The following TSPAN5 variants were observed in gnomAD, a reference collection of about 807,000 sequenced individuals.
TSPAN5 encodes the protein tetraspanin-5.
TSPAN5 carries 10 observed loss-of-function variants against 37.1 expected under a neutral mutation model. The observed-to-expected ratio is 0.27, with a 90% CI of 0.17 to 0.46. The LOEUF is 0.46. TSPAN5 is among the 20% of genes least tolerant of loss of function. The pLI, the probability that TSPAN5 is intolerant of heterozygous loss-of-function variation, is 1.00. For missense variants in TSPAN5, 195 were observed against 326.6 expected (o/e 0.60, Z 3.11); for synonymous variants, 110 against 118.9 (o/e 0.93, Z 0.48).
At chr4:98,478,849 G>C in intron 4 of TSPAN5, 39 bp from the exon 5 acceptor site, 1 of 1,606,190 alleles carries the variant, frequency 6.2e-7, no homozygotes, top group Non-Finnish European at 8.5e-7. Context: ...TCCCAACTTG[G>C]AGGCAAGCAG....
chr4:98,510,105 G>A (rs959704026), intron 1 of TSPAN5, among the ~76,000 whole-genome samples: 2 of 152,104 alleles, frequency 1.3e-5, no homozygotes, highest in Non-Finnish European at 2.9e-5. Context: ...AGTGCTTTGT[G>A]TGCAATGTCT....
rs111521906 is a variant in TSPAN5 at position 98,553,966 on chromosome 4, C to A, written c.82-46238G>T. 9.7e-3 allele frequency among the ~76,000 whole-genome samples: 1,469 copies of A among 152,130 alleles called. 28 individuals are homozygous for A. Among genetic ancestry groups the A allele is most frequent in the African/African-American group, 0.033 (1,364 of 41,484 alleles). On this transcript the variant is annotated intron_variant, in intron 1 of 7. Transcript: ENST00000305798. ...CCTGTAATCCCAGCTACTCAGGAGGCTGAGGCAGGAGAATCGCTTGAACTG... is the reference window on the plus strand; with the variant it reads ...CCTGTAATCCCAGCTACTCAGGAGGATGAGGCAGGAGAATCGCTTGAACTG...
At chr4:98,520,662 T>A (rs1327304789) in intron 1 of TSPAN5, among the ~76,000 whole-genome samples, 3 of 152,204 alleles carry the variant, frequency 2.0e-5, no homozygotes, top group Non-Finnish European at 4.4e-5. Flanking sequence ...TAATAACACC[T>A]GCTGCAATGT....
intron 1 of TSPAN5, among the ~76,000 whole-genome samples, chr4:98,531,228 C>T (rs1443917433): frequency 1.3e-5 from 2 of 152,120 alleles, no homozygotes; most frequent in African/African-American, 4.8e-5. Context: ...CTACCCCCTA[C>T]CCCACGACAG....
chr4:98,491,575 C>G (rs1232861303), intron 2 of TSPAN5, among the ~76,000 whole-genome samples: 2 of 151,900 alleles, frequency 1.3e-5, no homozygotes, highest in Non-Finnish European at 2.9e-5. Context: ...GTAATCCCAG[C>G]TACTCGAGAG....
chr4:98,530,241 G>A (rs1380269471), intron 1 of TSPAN5, among the ~76,000 whole-genome samples: 1 of 152,200 alleles, frequency 6.6e-6, no homozygotes, highest in Admixed American at 6.5e-5. Context: ...TCCTGAAATG[G>A]CCAGAGATGC....
At chr4:98,639,193 A>G (rs1241344672) in intron 1 of TSPAN5, among the ~76,000 whole-genome samples, 1 of 152,156 alleles carries the variant, frequency 6.6e-6, no homozygotes, top group Non-Finnish European at 1.5e-5. Context: ...TGGTCTCAGC[A>G]ACTCCTCCAC....
intron 1 of TSPAN5, among the ~76,000 whole-genome samples, chr4:98,564,976 C>A (rs924378489): frequency 3.9e-5 from 6 of 152,158 alleles, no homozygotes; most frequent in African/African-American, 1.4e-4. Context: ...TGTCCTCACC[C>A]TGAGTGTTAA....
At chr4:98,544,768 C>T (rs1429795038) in intron 1 of TSPAN5, among the ~76,000 whole-genome samples, 1 of 152,162 alleles carries the variant, frequency 6.6e-6, no homozygotes, top group Non-Finnish European at 1.5e-5. Context: ...AGGGATGACA[C>T]ATCTTTGAAC....
At chr4:98,487,487 C>T (rs2110265400) in intron 2 of TSPAN5, among the ~76,000 whole-genome samples, 1 of 152,264 alleles carries the variant, frequency 6.6e-6, no homozygotes, top group Middle Eastern at 3.4e-3. Flanking sequence ...AAGCCCTTGG[C>T]ATTTCTCAGG....
chr4:98,625,145 G>A (rs745665768), intron 1 of TSPAN5, among the ~76,000 whole-genome samples: 19 of 152,312 alleles, frequency 1.2e-4, no homozygotes, highest in Non-Finnish European at 1.9e-4. Context: ...ATGGGCAGTA[G>A]TTATTTATGC....
intron 1 of TSPAN5, among the ~76,000 whole-genome samples, chr4:98,575,875 T>C (rs893171400): frequency 1.3e-5 from 2 of 151,006 alleles, no homozygotes; most frequent in Admixed American, 6.6e-5. Context: ...ATCGAGACCA[T>C]CTGGCCAACA....
At chr4:98,473,521 G>A (rs900315040) in intron 7 of TSPAN5, among the ~76,000 whole-genome samples, 1 of 150,266 alleles carries the variant, frequency 6.7e-6, no homozygotes, top group Non-Finnish European at 1.5e-5. Context: ...CTGCAGTGGC[G>A]CAATCTCGGC....
intron 1 of TSPAN5, among the ~76,000 whole-genome samples, chr4:98,625,226 A>G (rs990303532): frequency 3.9e-5 from 6 of 152,210 alleles, no homozygotes; most frequent in Non-Finnish European, 8.8e-5. Flanking sequence ...GTGGTTGCCA[A>G]GGTCTGATTG....
intron 5 of TSPAN5, among the ~76,000 whole-genome samples, chr4:98,477,223 T>C (rs1209658828): frequency 1.3e-5 from 2 of 152,262 alleles, no homozygotes; most frequent in African/African-American, 2.4e-5. Flanking sequence ...GCCACCAGGA[T>C]GAGCCCCTCA....
In TSPAN5 at chr4:98,471,052, G is replaced by T. The variant is rs905891830; in HGVS notation, c.*1470C>A. On this transcript the variant is annotated 3_prime_UTR_variant, in exon 8 of 8. Transcript: ENST00000305798. ...AACTCGTCCCTCCCACCTAAAGTGG[G>T]GGCAGGAGCGGCAGCACCAGGAAGT... 6.6e-6 allele frequency: 1 copy of T among 152,166 alleles called. No homozygotes were observed. Among genetic ancestry groups the T allele is most frequent in the Non-Finnish European group, 1.5e-5 (1 of 68,038 alleles). The allele number at this position is 152,166 out of a possible 1,614,324, so 9.4% of individuals were successfully genotyped here. A position where few individuals can be genotyped will look rare whatever the true frequency, so the allele number is the denominator to read the frequency against.
intron 1 of TSPAN5, among the ~76,000 whole-genome samples, chr4:98,632,504 T>C (rs142031314): frequency 1.3e-5 from 2 of 152,234 alleles, no homozygotes; most frequent in Non-Finnish European, 2.9e-5. Flanking sequence ...ACACTATTAA[T>C]AAATTACATG....
At chr4:98,554,322 C>G (rs1259500399) in intron 1 of TSPAN5, among the ~76,000 whole-genome samples, 1 of 152,128 alleles carries the variant, frequency 6.6e-6, no homozygotes, top group Non-Finnish European at 1.5e-5. Context: ...AAATAGGAAA[C>G]TATTTGAAAA....
intron 1 of TSPAN5, among the ~76,000 whole-genome samples, chr4:98,585,605 C>A (rs1755470267): frequency 6.6e-6 from 1 of 152,212 alleles, no homozygotes; most frequent in Non-Finnish European, 1.5e-5. Flanking sequence ...CCACTGCGCC[C>A]AGCCTATTAT....
Sources: allele counts gnomAD v4.1 joint callset (sites outside exome capture counted in the v4.1 genomes callset), GRCh38; gene constraint gnomAD v4.1.1; transcripts MANE v1.5; gene names NCBI Gene and HGNC (gene_info 2026-07-23, HGNC 2026-07-21).